EMB: variants seen among roughly 807,000 people sequenced by gnomAD.
The protein encoded by EMB is embigin.
A neutral mutation model predicts 41.4 loss-of-function variants in EMB; 31 were observed. The observed-to-expected ratio is 0.75, with a 90% CI of 0.56 to 1.01. The LOEUF is 1.01. Among genes scored for constraint, EMB ranks in the 50% least tolerant of loss-of-function variants. The pLI, the probability that EMB is intolerant of heterozygous loss-of-function variation, is 0.00. For missense variants in EMB, 379 were observed against 388.3 expected, an observed-to-expected ratio of 0.98 and a Z score of 0.20; for synonymous variants, 137 against 140.4, an observed-to-expected ratio of 0.98 and a Z score of 0.17.
At chr5:50,411,408 T>C in intron 2 of EMB, 25 bp from the exon 3 acceptor site, 3 of 1,513,656 alleles carry the variant, frequency 2.0e-6, no homozygotes, top group Non-Finnish European at 2.7e-6. Flanking sequence ...GAGGACAAAA[T>C]GTGAAAGTTA....
rs576479466 is a variant in EMB, at chr5:50,416,214, C to T, written c.197-4831G>A. ...TTTCAACTTCCTTAATACTGCACAA[C>T]TGCAATGCATTTTTGCTGCTTTAGA... On this transcript the variant is annotated intron_variant, in intron 2 of 8. Coordinates refer to ENST00000303221, the MANE Select transcript of EMB (RefSeq NM_198449.3). Among the ~76,000 whole-genome samples the T allele has an allele frequency of 2.0e-5, 3 of 152,318 alleles. No homozygotes were observed. The South Asian group carries it at 6.2e-4, about 32-fold the overall frequency.
intron 2 of EMB, among the ~76,000 whole-genome samples, chr5:50,412,240 CCACACACACACACACAGA>C (rs1237566808): frequency 3.0e-5 from 4 of 134,950 alleles, no homozygotes; most frequent in African/African-American, 8.7e-5. Flanking sequence ...CACACACACA[CCACACACACACACACAGA>C]CACACACACA....
At chr5:50,419,548 T>TACACACACACACACACACAC (rs58712109) in intron 2 of EMB, among the ~76,000 whole-genome samples, 7 of 147,200 alleles carry the variant, frequency 4.8e-5, no homozygotes, top group East Asian at 2.1e-4. Context: ...CACACACACA[T>TACACACACACACACACACAC]ACACACACAC....
chr5:50,411,121 G>C (rs1480341388), intron 3 of EMB, 76 bp downstream of exon 3: 1 of 1,345,456 alleles, frequency 7.4e-7, no homozygotes, highest in South Asian at 1.5e-5. Context: ...GCAGAGGAAA[G>C]AATGCTCAGT....
At chr5:50,410,995 C>T (rs186844513) in intron 3 of EMB, 30 bp from the exon 4 acceptor site, 1,176 of 1,481,410 alleles carry the variant, frequency 7.9e-4, no homozygotes, top group Non-Finnish European at 1.0e-3. Flanking sequence ...TTAATATAGG[C>T]TTAGTTCTCA....
chr5:50,403,574 T>A, intron 5 of EMB, 120 bp from the exon 6 acceptor site: 1 of 1,131,264 alleles, frequency 8.8e-7, no homozygotes, highest in Non-Finnish European at 1.2e-6. Context: ...GAAAGGCATA[T>A]TAAAGTTTGT....
At chr5:50,441,821 C>T (rs1745920693), upstream of EMB, among the ~76,000 whole-genome samples, 1 of 152,148 alleles carries the variant, frequency 6.6e-6, no homozygotes, top group Non-Finnish European at 1.5e-5. Context: ...TCTGATTTTA[C>T]TTTATTTTTG....
At chr5:50,416,799 A>G (rs1163377421) in intron 2 of EMB, among the ~76,000 whole-genome samples, 1 of 152,144 alleles carries the variant, frequency 6.6e-6, no homozygotes, top group African/African-American at 2.4e-5. Context: ...TCCGTAAGAC[A>G]CACCCACCAG....
intron 2 of EMB, among the ~76,000 whole-genome samples, chr5:50,424,169 G>T (rs1257392758): frequency 6.6e-6 from 1 of 151,976 alleles, no homozygotes; most frequent in Non-Finnish European, 1.5e-5. Flanking sequence ...AATTTTGATC[G>T]GTAGAAACTT....
At chr5:50,421,079 A>T (rs2111825987) in intron 2 of EMB, among the ~76,000 whole-genome samples, 1 of 152,342 alleles carries the variant, frequency 6.6e-6, no homozygotes, top group Non-Finnish European at 1.5e-5. Flanking sequence ...AGATACTGCA[A>T]ATAAAATGAG....
Position 50,399,208 on chromosome 5 carries a change from G to A in EMB, c.*65C>T, listed in dbSNP as rs1466276810. ...AAACTCAGAGGCTCTTAACAGGAAG[G>A]ATAAACAAAGCTGAAATACGAACTC... On this transcript the variant is annotated 3_prime_UTR_variant, in exon 9 of 9. Transcript: ENST00000303221. 1.3e-6 allele frequency: 2 copies of A among 1,593,172 alleles called. No homozygotes were observed. Among genetic ancestry groups the A allele is most frequent in the Non-Finnish European group, 1.7e-6 (2 of 1,169,970 alleles).
chr5:50,406,011 T>A (rs1399864221), intron 4 of EMB, among the ~76,000 whole-genome samples, 159 bp from the exon 5 acceptor site: 1 of 151,916 alleles, frequency 6.6e-6, no homozygotes, highest in Non-Finnish European at 1.5e-5. Context: ...TAGGGTGTAG[T>A]TAGTAGTAAT....
At chr5:50,428,278 T>C (rs1579740464) in intron 1 of EMB, 51 bp from the exon 2 acceptor site, 1 of 1,438,648 alleles carries the variant, frequency 7.0e-7, no homozygotes, top group Non-Finnish European at 9.6e-7. Flanking sequence ...AGTAAATGAC[T>C]ATCTAAAAAC....
chr5:50,422,305 A>C (rs1475979833), intron 2 of EMB, among the ~76,000 whole-genome samples: 1 of 152,218 alleles, frequency 6.6e-6, no homozygotes, highest in African/African-American at 2.4e-5. Context: ...TTATCAGAGT[A>C]TAACAAGCTT....
At chr5:50,404,356 C>T (rs1200076362) in intron 5 of EMB, among the ~76,000 whole-genome samples, 1 of 151,922 alleles carries the variant, frequency 6.6e-6, no homozygotes, top group Non-Finnish European at 1.5e-5. Flanking sequence ...TTGGTCAGAG[C>T]TAATCAATCA....
At chr5:50,403,578 A>C in intron 5 of EMB, 124 bp from the exon 6 acceptor site, 1 of 1,042,542 alleles carries the variant, frequency 9.6e-7, no homozygotes, top group East Asian at 2.5e-5. Flanking sequence ...GGCATATTAA[A>C]GTTTGTGAGA....
intron 2 of EMB, among the ~76,000 whole-genome samples, chr5:50,421,234 G>T (rs1314604923): frequency 6.6e-6 from 1 of 152,146 alleles, no homozygotes; most frequent in Non-Finnish European, 1.5e-5. Flanking sequence ...AGTGGGCGAA[G>T]GATATGAACA....
intron 2 of EMB, among the ~76,000 whole-genome samples, chr5:50,427,681 G>C (rs180706414): frequency 1.2e-4 from 19 of 152,090 alleles, no homozygotes; most frequent in African/African-American, 4.1e-4. Flanking sequence ...GCTAATTTTT[G>C]TATTTGTAGT....
intron 2 of EMB, among the ~76,000 whole-genome samples, chr5:50,423,719 G>A (rs912212379): frequency 2.0e-5 from 3 of 152,074 alleles, no homozygotes; most frequent in African/African-American, 7.2e-5. Context: ...TTCTCAGCTC[G>A]GAGGCTCCTG....
Sources: allele counts gnomAD v4.1 joint callset (sites outside exome capture counted in the v4.1 genomes callset), GRCh38; gene constraint gnomAD v4.1.1; transcripts MANE v1.5; gene names NCBI Gene and HGNC (gene_info 2026-07-23, HGNC 2026-07-21).